The following BICRA variants were observed in gnomAD, a reference collection of about 807,000 sequenced individuals.
The protein encoded by BICRA is BRD4 interacting chromatin remodeling complex associated protein, also known as BRD4-interacting chromatin-remodeling complex-associated protein.
BICRA carries 31 observed loss-of-function variants against 96.9 expected under a neutral mutation model. The ratio of observed to expected loss-of-function variants is 0.32; its 90% CI spans 0.24 to 0.43. The LOEUF (loss-of-function observed/expected upper bound fraction) is 0.43. Ranked by LOEUF, BICRA falls within the 20% of genes least tolerant of loss-of-function variation. The pLI, the probability that BICRA is intolerant of heterozygous loss-of-function variation, is 1.00. For missense variants in BICRA, 2,283 were observed against 2,190.3 expected, an observed-to-expected ratio of 1.04 and a Z score of -0.84; for synonymous variants, 1,350 against 1,071.8, an observed-to-expected ratio of 1.26 and a Z score of -5.07.
intron 1 of BICRA, among the ~76,000 whole-genome samples, chr19:47,665,165 C>T (rs759934821): frequency 1.3e-5 from 2 of 149,760 alleles, no homozygotes; most frequent in Non-Finnish European, 3.0e-5. Flanking sequence ...TGGGGTCTGC[C>T]TCTGCCCTTT....
chr19:47,682,008 C>T lies in BICRA; in HGVS notation c.2139C>T (p.Gly713=). The T allele has an allele frequency of 6.4e-7, 1 of 1,570,330 alleles. No individual in the cohort carries two copies. The highest frequency in any genetic ancestry group is 8.6e-7 in the Non-Finnish European group (1 of 1,162,312). Reference sequence around the variant, plus strand: ...GCCAGCAGCCCCTCTCCGCAGAGGGCCCCCACCTCTCCGTGCCTGCCTCGG... The same window carrying T: ...GCCAGCAGCCCCTCTCCGCAGAGGGTCCCCACCTCTCCGTGCCTGCCTCGG... The part of the protein sequence containing the change: ...ERSQQPLSAE[G]PHLSVPASVI... Residue 713 remains glycine (G), a synonymous_variant, in exon 7 of 15, where the codon GGC becomes GGT. Coordinates refer to ENST00000594866, the MANE Select transcript of BICRA (RefSeq NM_001394372.1).
rs528808731 is a variant in BICRA at position 47,687,309 on chromosome 19, T to G, written c.2283+5157T>G. Among the ~76,000 whole-genome samples the G allele has an allele frequency of 9.2e-5, 14 of 152,302 alleles. No homozygotes were observed. In the South Asian group the frequency reaches 2.3e-3, roughly 25 times the overall value. Reference sequence around the variant, plus strand: ...AATTTTTGCAAGTCACGAAATAGTATTCTTATGATTTTTTTTCTTCAACTG... The same window carrying G: ...AATTTTTGCAAGTCACGAAATAGTAGTCTTATGATTTTTTTTCTTCAACTG... On this transcript the variant is annotated intron_variant, in intron 7 of 14. Transcript: ENST00000594866.
At chr19:47,616,736 A>G (rs189535516) in intron 1 of BICRA, among the ~76,000 whole-genome samples, 67 of 152,228 alleles carry the variant, frequency 4.4e-4, no homozygotes, top group African/African-American at 1.5e-3. Flanking sequence ...TGACGCTTCA[A>G]TGAGTGAAGA....
intron 14 of BICRA, chr19:47,700,061 G>A (rs562040656): frequency 6.5e-6 from 1 of 152,676 alleles, no homozygotes; most frequent in East Asian, 1.9e-4. Flanking sequence ...GGCCAGGAGC[G>A]AGTCTGAAGT....
chr19:47,653,498 T>C (rs150474813), intron 1 of BICRA, among the ~76,000 whole-genome samples: 12 of 152,298 alleles, frequency 7.9e-5, no homozygotes, highest in African/African-American at 2.6e-4. Flanking sequence ...GCCGTACTCA[T>C]GAGCAGCCGC....
At chr19:47,686,466 C>T (rs963212741) in intron 7 of BICRA, among the ~76,000 whole-genome samples, 1 of 152,084 alleles carries the variant, frequency 6.6e-6, no homozygotes, top group East Asian at 1.9e-4. Flanking sequence ...TCACTGCAAC[C>T]TCCACCTCCC....
intron 7 of BICRA, among the ~76,000 whole-genome samples, chr19:47,692,842 AGTGTGGTGGTGCTG>A (rs1973261938): frequency 6.6e-6 from 1 of 152,008 alleles, no homozygotes; most frequent in Non-Finnish European, 1.5e-5. Context: ...CCGGTTCTGG[AGTGTGGTGGTGCTG>A]GCTGTCCTCG....
In BICRA at chr19:47,675,065, A is replaced by C. The variant is rs1250374604; in HGVS notation, c.85-786A>C. ...GCATGTGGCACTGGATTTGGGATCT[A>C]TCTGGGAGGTGGCATCAACTAGACT... On this transcript the variant is annotated intron_variant, in intron 4 of 14. Transcript: ENST00000594866. The surrounding 1 kb of genome is among the most constrained non-coding windows in gnomAD (Gnocchi z 4.7). 6.6e-6 allele frequency among the ~76,000 whole-genome samples: 1 copy of C among 152,140 alleles called. No individual in the cohort carries two copies. The highest frequency in any genetic ancestry group is 2.4e-5 in the African/African-American group (1 of 41,432).
intron 7 of BICRA, among the ~76,000 whole-genome samples, chr19:47,683,607 T>C (rs1006968811): frequency 3.3e-5 from 5 of 149,772 alleles, no homozygotes; most frequent in African/African-American, 1.2e-4. Flanking sequence ...TTTTTTGAGA[T>C]GGAGTCTCGC....
chr19:47,701,176 G>C lies in BICRA; in HGVS notation c.3596-152G>C. 1.6e-6 allele frequency: 1 copy of C among 623,434 alleles called. No homozygotes were observed. Among genetic ancestry groups the C allele is most frequent in the Non-Finnish European group, 2.8e-6 (1 of 352,302 alleles). The allele number at this position is 623,434 out of a possible 1,614,324, so 38.6% of individuals were successfully genotyped here. A position where few individuals can be genotyped will look rare whatever the true frequency, so the allele number is the denominator to read the frequency against. ...GGGGGAATTTGGGCCTTGCTGAAGA[G>C]GGTCTCACCAAGCCTATCCTGAGGA... is the stretch of plus-strand genomic sequence containing the variant. On this transcript the variant is annotated intron_variant, in intron 14 of 14. Transcript: ENST00000594866. The surrounding 1 kb of genome is among the most constrained non-coding windows in gnomAD (Gnocchi z 5.4).
rs562632125 is a variant in BICRA at position 47,658,613 on chromosome 19, C to G, written c.-107-11830C>G. On this transcript the variant is annotated intron_variant, in intron 1 of 14. Coordinates refer to ENST00000594866, the MANE Select transcript of BICRA (RefSeq NM_001394372.1). Reference sequence around the variant, plus strand: ...TGCCACTGCGCTCCAGCCTGGGTGACAGAATGAGACTTCGTCTCAAAAAAA... The same window carrying G: ...TGCCACTGCGCTCCAGCCTGGGTGAGAGAATGAGACTTCGTCTCAAAAAAA... Among the ~76,000 whole-genome samples the G allele has an allele frequency of 5.5e-5, 7 of 126,732 alleles. 1 individual carries two copies. In the South Asian group the frequency reaches 1.7e-3, roughly 31 times the overall value. 83.1% of individuals were successfully genotyped at this position (126,732 alleles called of 152,430 possible).
intron 1 of BICRA, among the ~76,000 whole-genome samples, chr19:47,628,767 G>C (rs1972176770): frequency 6.6e-6 from 1 of 152,016 alleles, no homozygotes; most frequent in South Asian, 2.1e-4. Flanking sequence ...ACCACACCCA[G>C]CTAATTTTTG....
rs759756539 is a variant in BICRA at position 47,680,477 on chromosome 19, C to T, written c.1307C>T (p.Pro436Leu). 53 of 1,541,468 alleles carry T rather than the reference C, an allele frequency of 3.4e-5. No homozygotes were observed. The highest frequency in any genetic ancestry group is 1.8e-4 in the South Asian group (15 of 83,956). Residue 436 changes from proline to leucine, a missense_variant, in exon 6 of 15, where the codon CCG becomes CTG. Coordinates refer to ENST00000594866, the MANE Select transcript of BICRA (RefSeq NM_001394372.1). ...CCGGCCACCACCACCGGAGCGGCCC[C>T]GCCGCAGCCCCCCGGGGCCCTGAGC... Reference protein sequence around the residue: ...QPPATTTGAAPPQPPGALSKP... With the variant: ...QPPATTTGAALPQPPGALSKP...
At position 47,629,307 on chromosome 19, in the gene BICRA, A is replaced by G. The variant is rs966907812; in HGVS notation, c.-108+20139A>G. Among the ~76,000 whole-genome samples the G allele has an allele frequency of 3.3e-5, 5 of 152,278 alleles. No homozygotes were observed. The South Asian group carries it at 8.3e-4, about 25-fold the overall frequency. On this transcript the variant is annotated intron_variant, in intron 1 of 14. Coordinates refer to ENST00000594866, the MANE Select transcript of BICRA (RefSeq NM_001394372.1). ...CGTGAGCCACCACACCCGGCGTCCA[A>G]CTGAAACTTTATATGCATTCAACAA...
chr19:47,615,059 T>C (rs1440797183), intron 1 of BICRA, among the ~76,000 whole-genome samples: 1 of 152,228 alleles, frequency 6.6e-6, no homozygotes, highest in East Asian at 1.9e-4. Context: ...CACTTTTCAC[T>C]GCAGCATTAT....
At chr19:47,652,603 G>A (rs778893751) in intron 1 of BICRA, among the ~76,000 whole-genome samples, 1 of 152,166 alleles carries the variant, frequency 6.6e-6, no homozygotes, top group Non-Finnish European at 1.5e-5. Flanking sequence ...CTTACTACTC[G>A]TGGCTTTTTA....
Position 47,694,638 on chromosome 19 carries a change from C to G in BICRA, c.2807C>G (p.Pro936Arg). ...LHLVPEPAAP[P>R]PPPPRTFQMV... Reference sequence around the variant, plus strand: ...CTGGTCCCTGAGCCGGCAGCACCCCCCCCACCGCCTCCTCGGACCTTCCAG... The same window carrying G: ...CTGGTCCCTGAGCCGGCAGCACCCCGCCCACCGCCTCCTCGGACCTTCCAG... The change falls in exon 8 of 15, where the codon CCC (proline) becomes CGC (arginine). Residue 936 changes from proline to arginine, a missense_variant. Pro to Arg is a moderately radical substitution (Grantham distance 103, BLOSUM62 -2). Transcript: ENST00000594866. The G allele has an allele frequency of 1.3e-6, 2 of 1,574,800 alleles. No individual in the cohort carries two copies. Among genetic ancestry groups the G allele is most frequent in the Non-Finnish European group, 8.7e-7 (1 of 1,145,816 alleles).
At chr19:47,610,440 T>C (rs1971885860) in intron 1 of BICRA, among the ~76,000 whole-genome samples, 1 of 152,180 alleles carries the variant, frequency 6.6e-6, no homozygotes, top group African/African-American at 2.4e-5. Flanking sequence ...CCCTTTGTTT[T>C]GCTTTGTGGT....
chr19:47,676,228 G>A (rs1419654675), intron 5 of BICRA, among the ~76,000 whole-genome samples: 5 of 152,096 alleles, frequency 3.3e-5, no homozygotes, highest in Non-Finnish European at 5.9e-5. Flanking sequence ...AGCTGAAGCG[G>A]ATGTGGGTTG....
Sources: gnomAD v4.1 joint callset for allele counts (sites outside exome capture counted in the v4.1 genomes callset) on GRCh38, gnomAD v4.1.1 for gene constraint, Gnocchi (gnomAD v3.1) non-coding constraint, MANE v1.5 for transcripts, NCBI Gene and HGNC (gene_info 2026-07-23, HGNC 2026-07-21) for gene names.